Variants in NID1 observed in about 807,000 individuals in gnomAD.
NID1 encodes the protein nidogen-1.
In NID1, 76 loss-of-function variants were observed where a neutral mutation model predicts 130.6. That is an observed-to-expected ratio of 0.58 (90% CI 0.48 to 0.70). The LOEUF is 0.70. Among genes scored for constraint, NID1 ranks in the 30% least tolerant of loss-of-function variants. The probability of loss-of-function intolerance (pLI) is 0.00; values close to 1 mark genes in which losing one functional copy is unlikely to be tolerated. For synonymous variants in NID1, 665 were observed against 675.1 expected (o/e 0.98, Z 0.23); for missense variants, 1,517 against 1,664.8 (o/e 0.91, Z 1.54).
intron 1 of NID1, chr1:236,060,627 T>C (rs1380444431): frequency 6.6e-6 from 1 of 152,216 alleles, no homozygotes; most frequent in Non-Finnish European, 1.5e-5. Flanking sequence ...CCCTCTCTTC[T>C]GCAGAAAATT....
In NID1 at chr1:235,979,199, A is replaced by C; in HGVS notation, c.3510-92T>G. ...CAGCCTCTTTGTCATTTTGAGGATAAACTGGAGGCCATAAACAGACATGAT... is the reference window on the plus strand; with the variant it reads ...CAGCCTCTTTGTCATTTTGAGGATACACTGGAGGCCATAAACAGACATGAT... On this transcript the variant is annotated intron_variant, in intron 18 of 19. Transcript: ENST00000264187. The surrounding 1 kb of genome is among the most constrained non-coding windows in gnomAD (Gnocchi z 4.6). The C allele has an allele frequency of 1.2e-6, 1 of 808,750 alleles. No homozygotes were observed. The highest frequency in any genetic ancestry group is 1.5e-5 in the South Asian group (1 of 64,914). The allele number at this position is 808,750 out of a possible 1,614,324, so 50.1% of individuals were successfully genotyped here. A position where few individuals can be genotyped will look rare whatever the true frequency, so the allele number is the denominator to read the frequency against.
chr1:235,984,840 T>A (rs1203411175), intron 15 of NID1, among the ~76,000 whole-genome samples: 3 of 152,160 alleles, frequency 2.0e-5, no homozygotes, highest in African/African-American at 7.2e-5. Flanking sequence ...TGGTTGAAAT[T>A]GGCATCCTTA....
At chr1:236,061,395 G>A (rs1416974391) in intron 1 of NID1, among the ~76,000 whole-genome samples, 1 of 152,146 alleles carries the variant, frequency 6.6e-6, no homozygotes, top group Non-Finnish European at 1.5e-5. Context: ...GCAATAACCA[G>A]ACATCACTTG....
chr1:236,000,567 T>A (rs1658048567), intron 12 of NID1, among the ~76,000 whole-genome samples: 1 of 152,180 alleles, frequency 6.6e-6, no homozygotes, highest in African/African-American at 2.4e-5. Flanking sequence ...CCCTAAGATC[T>A]ATAAAACCAA....
intron 1 of NID1, among the ~76,000 whole-genome samples, chr1:236,055,660 A>C (rs1659879490): frequency 6.6e-6 from 1 of 151,562 alleles, no homozygotes; most frequent in Non-Finnish European, 1.5e-5. Flanking sequence ...ATCTCAAAAA[A>C]TAAAAATAGA....
chr1:235,981,359 T>A (rs1373355844), intron 16 of NID1, among the ~76,000 whole-genome samples: 3 of 152,214 alleles, frequency 2.0e-5, no homozygotes, highest in Non-Finnish European at 4.4e-5. Flanking sequence ...AATATCCAAT[T>A]TCTGAGCATG....
At chr1:236,062,416 C>T (rs1035016516) in intron 1 of NID1, among the ~76,000 whole-genome samples, 27 of 152,094 alleles carry the variant, frequency 1.8e-4, no homozygotes, top group Admixed American at 3.3e-4. Context: ...GGGCGGATCA[C>T]CTGAGGTCAG....
At chr1:235,978,258 G>T (rs1657328234) in intron 19 of NID1, among the ~76,000 whole-genome samples, 1 of 152,176 alleles carries the variant, frequency 6.6e-6, no homozygotes. Context: ...AGATCTCAGG[G>T]GGAAGTTCTC....
In NID1 at chr1:235,990,696, G is replaced by C. The variant is rs561876727; in HGVS notation, c.2928+190C>G. The stretch of plus-strand genomic sequence containing the variant: ...AGATGAATCACTATGAATTTGGCAG[G>C]GGAATGGAAAGATCACGAGCAGCTC... On this transcript the variant is annotated intron_variant, in intron 14 of 19. Transcript: ENST00000264187. Among the ~76,000 whole-genome samples the C allele has an allele frequency of 3.3e-5, 5 of 152,256 alleles. No homozygotes were observed. The East Asian group carries it at 7.7e-4, about 23-fold the overall frequency.
intron 15 of NID1, among the ~76,000 whole-genome samples, chr1:235,984,161 C>T (rs150577759): frequency 7.9e-5 from 12 of 152,164 alleles, no homozygotes; most frequent in Admixed American, 6.5e-5. Flanking sequence ...AAACAATGAC[C>T]TATTCCCCTC....
At chr1:236,025,782 C>T (rs1458865840) in intron 8 of NID1, 114 bp downstream of exon 8, 1 of 1,373,806 alleles carries the variant, frequency 7.3e-7, no homozygotes, top group Admixed American at 2.2e-5. Flanking sequence ...CCAGAAGATA[C>T]TTTAGCATAA....
At chr1:236,056,370 T>G (rs960664233) in intron 1 of NID1, among the ~76,000 whole-genome samples, 2 of 152,220 alleles carry the variant, frequency 1.3e-5, no homozygotes, top group Admixed American at 1.3e-4. Flanking sequence ...TATTTGTACA[T>G]ATTTATGGGG....
At chr1:236,039,877 G>C (rs903690322) in intron 4 of NID1, among the ~76,000 whole-genome samples, 2 of 152,120 alleles carry the variant, frequency 1.3e-5, no homozygotes, top group Admixed American at 1.3e-4. Flanking sequence ...GCTCTCAGGG[G>C]TCATTATGGC....
rs373203237 is a variant in NID1 at position 235,979,905 on chromosome 1, G to T, written c.3426C>A (p.Ser1142Arg). 11 of 1,614,024 alleles carry T rather than the reference G, an allele frequency of 6.8e-6. No homozygotes were observed. Among genetic ancestry groups the T allele is most frequent in the African/African-American group, 1.3e-5 (1 of 74,940 alleles). Residue 1142 changes from serine (S) to arginine (R), a missense_variant, in exon 18 of 20, where the codon AGC becomes AGA. Around this residue, in one of 3 missense-constraint regions of NID1, gnomAD observed 181 missense variants for 211.3 expected, o/e 0.86. Transcript: ENST00000264187. This position sits in a 1 kb window ranked among gnomAD's most constrained non-coding sequence, Gnocchi z 4.6. ...GGAGCCCTTCGAGAGCCTTGCGTCTGCTGGGCTGACTGGGGTTCAGGCATT... is the reference window on the plus strand; with the variant it reads ...GGAGCCCTTCGAGAGCCTTGCGTCTTCTGGGCTGACTGGGGTTCAGGCATT... ...RAECLNPSQP[S>R]RRKALEGLQY...
intron 9 of NID1, among the ~76,000 whole-genome samples, 186 bp from the exon 10 acceptor site, chr1:236,017,459 C>T (rs904586756): frequency 6.6e-6 from 1 of 151,804 alleles, no homozygotes; most frequent in Non-Finnish European, 1.5e-5. Flanking sequence ...AATCTCGGTT[C>T]ACTGCAACCT....
Position 236,055,833 on chromosome 1 carries a change from T to A in NID1, c.226-6844A>T, listed in dbSNP as rs1490478464. Among the ~76,000 whole-genome samples the A allele has an allele frequency of 5.3e-5, 8 of 152,286 alleles. No individual in the cohort carries two copies. In the Middle Eastern group the frequency reaches 0.01, roughly 194 times the overall value. On this transcript the variant is annotated intron_variant, in intron 1 of 19. Coordinates refer to ENST00000264187, the MANE Select transcript of NID1 (RefSeq NM_002508.3). ...TTTTCCAGGTTTATTGAGGTATAAC[T>A]GATAAACAAAAGTGTATAAGTTTAG... is the stretch of plus-strand genomic sequence containing the variant.
At chr1:235,978,196 C>T (rs1304334508) in intron 19 of NID1, among the ~76,000 whole-genome samples, 1 of 152,222 alleles carries the variant, frequency 6.6e-6, no homozygotes, top group African/African-American at 2.4e-5. Flanking sequence ...CAGACACAAA[C>T]ACTGATTCCC....
At chr1:236,027,254 A>T (rs1010200593) in intron 7 of NID1, among the ~76,000 whole-genome samples, 50 of 152,166 alleles carry the variant, frequency 3.3e-4, no homozygotes, top group East Asian at 7.7e-4. Flanking sequence ...TGTTTTTTTA[A>T]AAAAAAGCAT....
intron 10 of NID1, among the ~76,000 whole-genome samples, chr1:236,015,405 G>A (rs1400412174): frequency 6.6e-6 from 1 of 152,104 alleles, no homozygotes. Flanking sequence ...CCAGCATTTT[G>A]GGAGGCCAAG....
Sources: gnomAD v4.1 joint callset for allele counts (sites outside exome capture counted in the v4.1 genomes callset) on GRCh38, gnomAD v4.1.1 for gene constraint, gnomAD v4.1.1 regional missense constraint, Gnocchi (gnomAD v3.1) non-coding constraint, MANE v1.5 for transcripts, NCBI Gene and HGNC (gene_info 2026-07-23, HGNC 2026-07-21) for gene names.